Variants in DENND5B observed in about 807,000 individuals in gnomAD.
The protein encoded by DENND5B is DENN domain containing 5B.
DENND5B carries 34 observed loss-of-function variants against 140.6 expected under a neutral mutation model. The observed-to-expected ratio is 0.24, with a 90% CI of 0.18 to 0.32. The LOEUF (loss-of-function observed/expected upper bound fraction) is 0.32. DENND5B is among the 10% of genes least tolerant of loss of function. DENND5B has a pLI of 1.00. For missense variants in DENND5B, 1,142 were observed against 1,560.2 expected (o/e 0.73, Z 4.52); for synonymous variants, 551 against 562.1 (o/e 0.98, Z 0.28).
chr12:31,477,408 T>A (rs1410551739), intron 3 of DENND5B: 1 of 152,140 alleles, frequency 6.6e-6, no homozygotes, highest in African/African-American at 2.4e-5. Flanking sequence ...GATCTGTAAG[T>A]AATAATGGAA....
intron 2 of DENND5B, among the ~76,000 whole-genome samples, chr12:31,494,593 C>A (rs1946687588): frequency 6.6e-6 from 1 of 152,162 alleles, no homozygotes; most frequent in Non-Finnish European, 1.5e-5. Context: ...ACTGAAAGTA[C>A]CTCTGATTGT....
At chr12:31,574,267 AAATAAT>A (rs60548839) in intron 1 of DENND5B, among the ~76,000 whole-genome samples, 8 of 89,720 alleles carry the variant, frequency 8.9e-5, no homozygotes, top group South Asian at 8.3e-4. Flanking sequence ...TGTCTCTAAA[AAATAAT>A]AATAATAATA....
chr12:31,522,611 AT>A (rs1336244536), intron 1 of DENND5B, among the ~76,000 whole-genome samples: 1 of 152,036 alleles, frequency 6.6e-6, no homozygotes, highest in African/African-American at 2.4e-5. Context: ...TGCCCGGCTA[AT>A]TTTGTATTTT....
intron 1 of DENND5B, among the ~76,000 whole-genome samples, chr12:31,506,048 G>A (rs1430981672): frequency 6.6e-6 from 1 of 151,852 alleles, no homozygotes; most frequent in Non-Finnish European, 1.5e-5. Context: ...CACTGCCCAT[G>A]GTCTTGAACC....
chr12:31,535,220 C>G (rs1948445298), intron 1 of DENND5B: 3 of 237,058 alleles, frequency 1.3e-5, no homozygotes, highest in Non-Finnish European at 2.5e-5. Flanking sequence ...GCATGAACAT[C>G]TGCCTCTTGT....
intron 1 of DENND5B, among the ~76,000 whole-genome samples, chr12:31,534,544 A>G (rs1258471469): frequency 6.6e-6 from 1 of 152,182 alleles, no homozygotes; most frequent in Non-Finnish European, 1.5e-5. Flanking sequence ...TCTTTCAAAT[A>G]CATTCTGATA....
chr12:31,495,730 T>C (rs1946737906), intron 2 of DENND5B, 80 bp downstream of exon 2: 1 of 1,069,208 alleles, frequency 9.4e-7, no homozygotes, highest in East Asian at 2.5e-5. Flanking sequence ...AAGGTAGACA[T>C]TCAAAATACA....
chr12:31,537,396 A>G (rs1341781428), intron 1 of DENND5B, among the ~76,000 whole-genome samples: 2 of 152,170 alleles, frequency 1.3e-5, no homozygotes, highest in Non-Finnish European at 2.9e-5. Context: ...TTAGGCTATC[A>G]GTGTAAAATA....
At chr12:31,517,923 C>T (rs575910369) in intron 1 of DENND5B, among the ~76,000 whole-genome samples, 2 of 152,344 alleles carry the variant, frequency 1.3e-5, no homozygotes, top group South Asian at 2.1e-4. Flanking sequence ...TAACTTGTTA[C>T]CTGCAGCTAT....
intron 17 of DENND5B, among the ~76,000 whole-genome samples, chr12:31,393,687 C>T (rs1430127738): frequency 6.6e-6 from 1 of 151,952 alleles, no homozygotes; most frequent in Non-Finnish European, 1.5e-5. Context: ...CTTGCATGAA[C>T]ATTTCTTTTT....
In DENND5B at chr12:31,566,338, C is replaced by CTGTGTGTGTGTG. The variant is rs6144677; in HGVS notation, c.127+24356_127+24367dup. 7.7e-3 allele frequency among the ~76,000 whole-genome samples: 1,140 copies of CTGTGTGTGTGTG among 148,590 alleles called. 6 individuals are homozygous for CTGTGTGTGTGTG. Among genetic ancestry groups the CTGTGTGTGTGTG allele is most frequent in the Middle Eastern group, 0.014 (4 of 288 alleles). On this transcript the variant is annotated intron_variant, in intron 1 of 20. Transcript: ENST00000389082. ...ATAGTGAGAACCTCTCTCTTAAAAA[C>CTGTGTGTGTGTG]TGTGTGTGTGTGTGTGTGTGTGTGT...
chr12:31,420,704 A>T (rs1942980092), intron 11 of DENND5B, among the ~76,000 whole-genome samples: 1 of 152,124 alleles, frequency 6.6e-6, no homozygotes, highest in Non-Finnish European at 1.5e-5. Flanking sequence ...TTGAGCTCCC[A>T]CAGTGCTGGA....
At chr12:31,486,249 C>T (rs1186123548) in intron 2 of DENND5B, among the ~76,000 whole-genome samples, 1 of 152,176 alleles carries the variant, frequency 6.6e-6, no homozygotes, top group Non-Finnish European at 1.5e-5. Flanking sequence ...CACCCTAGTG[C>T]TTTCTGCCAT....
chr12:31,460,435 C>T (rs1944962646), intron 3 of DENND5B, 54 bp from the exon 4 acceptor site: 6 of 1,524,342 alleles, frequency 3.9e-6, no homozygotes, highest in Non-Finnish European at 5.3e-6. Context: ...AACACAATCA[C>T]TTCATTAAGC....
In DENND5B at chr12:31,579,309, C is replaced by T. The variant is rs184393633; in HGVS notation, c.127+11397G>A. ...CAGATAAAATACTAATACTTTCATT[C>T]CTAGAATTCTGAGTTCTTACCTCCT... is the stretch of plus-strand genomic sequence containing the variant. On this transcript the variant is annotated intron_variant, in intron 1 of 20. Coordinates refer to ENST00000389082, the MANE Select transcript of DENND5B (RefSeq NM_144973.4). 1.3e-4 allele frequency among the ~76,000 whole-genome samples: 20 copies of T among 152,274 alleles called. No individual in the cohort carries two copies. In the South Asian group the frequency reaches 3.7e-3, roughly 28 times the overall value.
chr12:31,406,025 T>C (rs1323951589), intron 14 of DENND5B, among the ~76,000 whole-genome samples: 2 of 151,488 alleles, frequency 1.3e-5, no homozygotes, highest in African/African-American at 4.9e-5. Flanking sequence ...TTTTGTACTT[T>C]TAGTAGAGAC....
At chr12:31,432,999 C>T in intron 8 of DENND5B, 156 bp downstream of exon 8, 1 of 605,582 alleles carries the variant, frequency 1.7e-6, no homozygotes, top group Non-Finnish European at 2.8e-6. Flanking sequence ...GTGTTTTCTG[C>T]TATATGTCCG....
At chr12:31,527,102 G>A (rs967828105) in intron 1 of DENND5B, among the ~76,000 whole-genome samples, 2 of 152,110 alleles carry the variant, frequency 1.3e-5, no homozygotes, top group Non-Finnish European at 2.9e-5. Flanking sequence ...GAGAGAGGGT[G>A]ATATGGAAAA....
intron 12 of DENND5B, among the ~76,000 whole-genome samples, chr12:31,414,189 A>C (rs975683134): frequency 6.6e-6 from 1 of 152,124 alleles, no homozygotes; most frequent in African/African-American, 2.4e-5. Context: ...TCAGCCTCCC[A>C]AAGTGCATGA....
Sources: gnomAD v4.1 joint callset for allele counts (sites outside exome capture counted in the v4.1 genomes callset) on GRCh38, gnomAD v4.1.1 for gene constraint, MANE v1.5 for transcripts, NCBI Gene and HGNC (gene_info 2026-07-23, HGNC 2026-07-21) for gene names.